PRH2: variants seen among roughly 807,000 people sequenced by gnomAD.
PRH2 encodes proline rich protein HaeIII subfamily 2.
Under a neutral mutation model 22.6 loss-of-function variants are expected in PRH2, and 19 were observed. The observed-to-expected ratio is 0.84, with a 90% CI of 0.59 to 1.23. The LOEUF (loss-of-function observed/expected upper bound fraction) is 1.23, where lower values mean the gene tolerates loss of function less well. Among genes scored for constraint, PRH2 ranks in the 50% most tolerant of loss-of-function variants. PRH2 has a pLI of 0.00. For synonymous variants in PRH2, 45 were observed against 72.0 expected (o/e 0.63, Z 1.90); for missense variants, 109 against 203.0 (o/e 0.54, Z 2.81).
Position 10,932,206 on chromosome 12 carries a change from A to T in PRH2, c.*19-20A>T, listed in dbSNP as rs187175754. 5.8e-4 allele frequency: 254 copies of T among 434,840 alleles called. No homozygotes were observed. Among genetic ancestry groups the T allele is most frequent in the Middle Eastern group, 1.7e-3 (5 of 2,976 alleles). 26.9% of individuals were successfully genotyped at this position (434,840 alleles called of 1,614,324 possible). On this transcript the variant is annotated intron_variant, in intron 3 of 3. Transcript: ENST00000396400. ...CCTGCCATGTCAAGTCTTGCCTATA[A>T]TCTTCCTTGTCTTTTTCAGGAAGTG...
In PRH2 at chr12:10,931,042, C is replaced by A; in HGVS notation, c.481C>A (p.Gln161Lys). 6.3e-7 allele frequency: 1 copy of A among 1,587,650 alleles called. No individual in the cohort carries two copies. The highest frequency in any genetic ancestry group is 2.2e-5 in the East Asian group (1 of 44,718). The change falls in exon 3 of 4, where the codon CAG (glutamine) becomes AAG (lysine). Residue 161 changes from glutamine (Q) to lysine (K), a missense_variant. Physicochemically the swap from Gln to Lys is moderately conservative, Grantham distance 53 (BLOSUM62 1). This residue lies in a region of PRH2 where 41 missense variants were observed against 93.6 expected (regional missense o/e 0.44). Coordinates refer to ENST00000396400, the MANE Select transcript of PRH2 (RefSeq NM_001110213.1). ...AGGGGGCCGCCCACAAGGACCTCCA[C>A]AGGGGCAGTCTCCTCAGTAATCTAG... is the stretch of plus-strand genomic sequence containing the variant. ...PQGGRPQGPP[Q>K]GQSPQ
chr12:10,930,700 C>G lies in PRH2; in HGVS notation c.139C>G (p.Gln47Glu), dbSNP rs190235340. 9.5e-5 allele frequency: 154 copies of G among 1,613,906 alleles called. No individual in the cohort carries two copies. The East Asian group carries it at 3.1e-3, about 32-fold the overall frequency. ...TGAGCAGTTCATAGATGAGGAGCGT[C>G]AGGGACCACCTTTGGGAGGACAGCA... ...DSEQFIDEER[Q>E]GPPLGGQQSQ... Residue 47 changes from glutamine (Q) to glutamate (E), a missense_variant, in exon 3 of 4, where the codon CAG (glutamine) becomes GAG (glutamate). Around this residue, in one of 4 missense-constraint regions of PRH2, gnomAD observed 54 missense variants for 60.5 expected, o/e 0.89. Coordinates refer to ENST00000396400, the MANE Select transcript of PRH2 (RefSeq NM_001110213.1).
At chr12:10,931,133 A>C in intron 3 of PRH2, 53 bp downstream of exon 3, 6 of 1,586,474 alleles carry the variant, frequency 3.8e-6, no homozygotes, top group Non-Finnish European at 5.1e-6. Context: ...CAGTTCTCCA[A>C]CTTCATTGTG....
rs1002495156 is a variant in PRH2, at chr12:10,934,524, C to T, written c.*2317C>T. Among the ~76,000 whole-genome samples the T allele has an allele frequency of 2.0e-5, 3 of 152,000 alleles. No individual in the cohort carries two copies. The highest frequency in any genetic ancestry group is 7.2e-5 in the African/African-American group (3 of 41,392). On this transcript the variant is annotated 3_prime_UTR_variant, in exon 4 of 4. Transcript: ENST00000396400. ...ATTTAGCATGGCTGCAAAGAGAGAGCTCCAATGTCTAAATGCAACGCTGAC... is the reference window on the plus strand; with the variant it reads ...ATTTAGCATGGCTGCAAAGAGAGAGTTCCAATGTCTAAATGCAACGCTGAC...
intron 1 of PRH2, 32 bp from the exon 2 acceptor site, chr12:10,930,237 A>G (rs1950184110): frequency 6.2e-7 from 1 of 1,609,326 alleles, no homozygotes; most frequent in African/African-American, 1.3e-5. Flanking sequence ...TCATGCAGTA[A>G]CTTTTCCCAT....
In PRH2 at chr12:10,934,390, T is replaced by C. The variant is rs2135876078; in HGVS notation, c.*2183T>C. On this transcript the variant is annotated 3_prime_UTR_variant, in exon 4 of 4. Coordinates refer to ENST00000396400, the MANE Select transcript of PRH2 (RefSeq NM_001110213.1). The stretch of plus-strand genomic sequence containing the variant: ...AAGCTGTGAGGATTCGAAGATCTCT[T>C]TCACATCTTGACCCAGTCAATTCCG... Among the ~76,000 whole-genome samples, 1 of 152,288 alleles carries C rather than the reference T, an allele frequency of 6.6e-6. No homozygotes were observed. Among genetic ancestry groups the C allele is most frequent in the Admixed American group, 6.5e-5 (1 of 15,292 alleles).
At chr12:10,929,570 G>A (rs1442362651) in intron 1 of PRH2, among the ~76,000 whole-genome samples, 1 of 152,150 alleles carries the variant, frequency 6.6e-6, no homozygotes, top group African/African-American at 2.4e-5. Flanking sequence ...GTGAGAGAGT[G>A]AGATTTGCAT....
chr12:10,931,195 T>C, intron 3 of PRH2, 115 bp downstream of exon 3: 1 of 1,531,196 alleles, frequency 6.5e-7, no homozygotes, highest in East Asian at 2.3e-5. Flanking sequence ...GGAACACATT[T>C]CTCATGAGTT....
intron 1 of PRH2, among the ~76,000 whole-genome samples, chr12:10,929,769 A>T (rs1211860159): frequency 6.6e-6 from 1 of 152,142 alleles, no homozygotes; most frequent in Non-Finnish European, 1.5e-5. Flanking sequence ...AATTGGGTAA[A>T]CACTTGCCTC....
chr12:10,934,145 T>G lies in PRH2; in HGVS notation c.*1938T>G, dbSNP rs181189568. Among the ~76,000 whole-genome samples the G allele has an allele frequency of 1.4e-3, 209 of 152,310 alleles. No individual in the cohort carries two copies. Among genetic ancestry groups the G allele is most frequent in the African/African-American group, 4.7e-3 (197 of 41,580 alleles). ...AGTCTTCGAATTTTTAATGCCATTGTGATAGCAAGCATCTGATTATTTTAC... is the reference window on the plus strand; with the variant it reads ...AGTCTTCGAATTTTTAATGCCATTGGGATAGCAAGCATCTGATTATTTTAC... On this transcript the variant is annotated 3_prime_UTR_variant, in exon 4 of 4. Transcript: ENST00000396400.
intron 3 of PRH2, chr12:10,931,303 CT>C: frequency 1.0e-6 from 1 of 968,486 alleles, no homozygotes. Context: ...CAAATTACCT[CT>C]CTTAAATAGG....
rs1262748980 is a variant in PRH2, at chr12:10,934,583, A to G, written c.*2376A>G. ...CATCTATCACATGTACCTGTTATACATACTTATTAATTGGATGTGCAGTTA... is the reference window on the plus strand; with the variant it reads ...CATCTATCACATGTACCTGTTATACGTACTTATTAATTGGATGTGCAGTTA... On this transcript the variant is annotated 3_prime_UTR_variant, in exon 4 of 4. Transcript: ENST00000396400. 2.6e-5 allele frequency among the ~76,000 whole-genome samples: 4 copies of G among 151,958 alleles called. No homozygotes were observed. Among genetic ancestry groups the G allele is most frequent in the Admixed American group, 1.3e-4 (2 of 15,228 alleles).
chr12:10,931,224 A>G (rs1458027195), intron 3 of PRH2, 144 bp downstream of exon 3: 5 of 1,485,718 alleles, frequency 3.4e-6, no homozygotes, highest in Non-Finnish European at 4.5e-6. Flanking sequence ...ATATTCTGGG[A>G]TAAGGTAGCA....
At position 10,934,821 on chromosome 12, in the gene PRH2, A is replaced by G. The variant is rs1246452075; in HGVS notation, c.*2614A>G. 6.6e-6 allele frequency among the ~76,000 whole-genome samples: 1 copy of G among 152,190 alleles called. No homozygotes were observed. The highest frequency in any genetic ancestry group is 1.5e-5 in the Non-Finnish European group (1 of 68,012). ...AAAAAACTGAATTCTCATTGTTAAT[A>G]AACAAATAAAGACAATTCTCTGCAT... On this transcript the variant is annotated 3_prime_UTR_variant, in exon 4 of 4. Transcript: ENST00000396400.
At chr12:10,929,367 C>T (rs1950169233) in intron 1 of PRH2, 30 bp downstream of exon 1, 2 of 1,613,840 alleles carry the variant, frequency 1.2e-6, no homozygotes, top group Middle Eastern at 1.7e-4. Context: ...GATATTGTGA[C>T]TCTGATTGGG....
rs374675015 is a variant in PRH2 at position 10,929,297 on chromosome 12, G to A, written c.24G>A (p.Val8=). The A allele has an allele frequency of 1.6e-4, 265 of 1,614,052 alleles. No individual in the cohort carries two copies. The highest frequency in any genetic ancestry group is 2.2e-4 in the Non-Finnish European group (260 of 1,180,038). Reference sequence around the variant, plus strand: ...AGATGCTTCTGATTCTGCTGTCAGTGGCCCTGCTGGCCTTCAGCTCAGCTC... The same window carrying A: ...AGATGCTTCTGATTCTGCTGTCAGTAGCCCTGCTGGCCTTCAGCTCAGCTC... MLLILLS[V]ALLAFSSAQD... The change falls in exon 1 of 4, where the codon GTG becomes GTA. Residue 8 remains valine, a synonymous_variant. Coordinates refer to ENST00000396400, the MANE Select transcript of PRH2 (RefSeq NM_001110213.1).
chr12:10,931,819 GT>G (rs1048990647), intron 3 of PRH2, among the ~76,000 whole-genome samples: 32 of 145,098 alleles, frequency 2.2e-4, no homozygotes, highest in African/African-American at 4.3e-4. Context: ...TTATTGGTTA[GT>G]TTTTTTTTTT....
chr12:10,929,965 G>A (rs1234004902), intron 1 of PRH2, among the ~76,000 whole-genome samples: 1 of 152,100 alleles, frequency 6.6e-6, no homozygotes, highest in Non-Finnish European at 1.5e-5. Flanking sequence ...AGGGCAGAAG[G>A]ATCCCCAAAT....
intron 3 of PRH2, among the ~76,000 whole-genome samples, chr12:10,931,782 A>G (rs1419290988): frequency 6.6e-6 from 1 of 151,672 alleles, no homozygotes; most frequent in Non-Finnish European, 1.5e-5. Flanking sequence ...TAGCTTTCAC[A>G]TGAGTTTATT....
Sources: allele counts gnomAD v4.1 joint callset (sites outside exome capture counted in the v4.1 genomes callset), GRCh38; gene constraint gnomAD v4.1.1; regional missense constraint gnomAD v4.1.1; transcripts MANE v1.5; gene names NCBI Gene and HGNC (gene_info 2026-07-23, HGNC 2026-07-21).